ERC1: variants seen among roughly 807,000 people sequenced by gnomAD.
ERC1 encodes the protein ELKS/RAB6-interacting/CAST family member 1.
ERC1 carries 56 observed loss-of-function variants against 132.0 expected under a neutral mutation model. The observed-to-expected ratio is 0.42, with a 90% CI of 0.34 to 0.53. The LOEUF (loss-of-function observed/expected upper bound fraction) is 0.53, where lower values mean the gene tolerates loss of function less well. Among genes scored for constraint, ERC1 ranks in the 20% least tolerant of loss-of-function variants. ERC1 has a pLI of 0.03. For missense variants in ERC1, 1,202 were observed against 1,349.9 expected (o/e 0.89, Z 1.72); for synonymous variants, 478 against 476.1 (o/e 1.00, Z -0.05).
At chr12:1,154,114 T>G (rs1284075087) in intron 8 of ERC1, among the ~76,000 whole-genome samples, 1 of 152,032 alleles carries the variant, frequency 6.6e-6, no homozygotes, top group African/African-American at 2.4e-5. Context: ...CTGAGTTACT[T>G]CACTTAGGAT....
At chr12:1,390,598 C>T (rs967194966) in intron 16 of ERC1, 2 of 152,148 alleles carry the variant, frequency 1.3e-5, no homozygotes, top group Non-Finnish European at 1.5e-5. Flanking sequence ...CTTACCAGAG[C>T]ATGCTTAGGA....
intron 17 of ERC1, among the ~76,000 whole-genome samples, chr12:1,436,973 T>G (rs1243581042): frequency 6.6e-6 from 1 of 150,564 alleles, no homozygotes; most frequent in Non-Finnish European, 1.5e-5. Flanking sequence ...GCCATTCAGA[T>G]ATATATATAT....
intron 2 of ERC1, among the ~76,000 whole-genome samples, chr12:1,068,384 A>G (rs1313064472): frequency 6.6e-6 from 1 of 152,212 alleles, no homozygotes; most frequent in Non-Finnish European, 1.5e-5. Context: ...TATCTTGGAG[A>G]TAAGGAACCT....
chr12:1,047,160 C>G (rs1971199175), intron 2 of ERC1, among the ~76,000 whole-genome samples: 1 of 152,034 alleles, frequency 6.6e-6, no homozygotes, highest in Non-Finnish European at 1.5e-5. Flanking sequence ...TATTTCTGAA[C>G]TATTGAGTTC....
chr12:1,366,870 T>G (rs2086710261), intron 15 of ERC1, among the ~76,000 whole-genome samples: 1 of 152,180 alleles, frequency 6.6e-6, no homozygotes, highest in South Asian at 2.1e-4. Context: ...TGTTGACATT[T>G]TACATTAAAG....
intron 3 of ERC1, among the ~76,000 whole-genome samples, chr12:1,100,712 G>A (rs772973970): frequency 6.6e-6 from 1 of 152,172 alleles, no homozygotes; most frequent in Non-Finnish European, 1.5e-5. Context: ...AGTTTAGAGG[G>A]GAAGGCCAGG....
intron 13 of ERC1, among the ~76,000 whole-genome samples, chr12:1,252,756 G>T (rs764882341): frequency 2.1e-4 from 32 of 152,170 alleles, no homozygotes; most frequent in Non-Finnish European, 4.4e-4. Context: ...AAAGTAGTTG[G>T]TGTGTAACCA....
intron 14 of ERC1, among the ~76,000 whole-genome samples, chr12:1,272,946 TAAA>T (rs56750908): frequency 0.042 from 3,715 of 87,436 alleles, 54 homozygotes; most frequent in East Asian, 0.11. Flanking sequence ...AGACTCCGTC[TAAA>T]AAAAAAAAAA....
intron 15 of ERC1, among the ~76,000 whole-genome samples, chr12:1,368,989 G>A (rs752676546): frequency 9.9e-5 from 15 of 152,110 alleles, no homozygotes; most frequent in Admixed American, 2.0e-4. Context: ...ATTTTTAGAG[G>A]ATGAGAGCCA....
At chr12:1,129,331 A>G (rs1186382814) in intron 7 of ERC1, among the ~76,000 whole-genome samples, 3 of 145,238 alleles carry the variant, frequency 2.1e-5, no homozygotes, top group South Asian at 4.8e-4. Flanking sequence ...AACAAAACTA[A>G]CAACAACAAC....
At chr12:1,216,607 A>AGGAGGGATGGGGGGCGGGGG (rs1485383560) in intron 12 of ERC1, among the ~76,000 whole-genome samples, 8,922 of 27,108 alleles carry the variant, frequency 0.33, 421 homozygotes, top group East Asian at 0.37. Context: ...GGGGTCGGGG[A>AGGAGGGATGGGGGGCGGGGG]GGAGGGATGG....
chr12:1,060,553 G>A (rs1411242979), intron 2 of ERC1, among the ~76,000 whole-genome samples: 1 of 151,982 alleles, frequency 6.6e-6, no homozygotes, highest in Non-Finnish European at 1.5e-5. Context: ...ATATGAAAAG[G>A]CACTTCTTAC....
chr12:1,351,408 AT>A (rs2084983454), intron 15 of ERC1, among the ~76,000 whole-genome samples: 2 of 152,172 alleles, frequency 1.3e-5, no homozygotes, highest in Admixed American at 6.5e-5. Context: ...GTGCTGTACC[AT>A]TTTGCGTTCC....
intron 13 of ERC1, among the ~76,000 whole-genome samples, chr12:1,255,226 G>A (rs1019792959): frequency 6.6e-6 from 1 of 152,048 alleles, no homozygotes; most frequent in African/African-American, 2.4e-5. Flanking sequence ...TTAGTTTGCT[G>A]AGAATTAGGG....
intron 2 of ERC1, among the ~76,000 whole-genome samples, chr12:1,037,379 A>G (rs1250635339): frequency 6.6e-6 from 1 of 152,230 alleles, no homozygotes; most frequent in Non-Finnish European, 1.5e-5. Context: ...TGTGCAAAAG[A>G]AATCAGAAAA....
chr12:1,449,838 T>C (rs978918580), intron 18 of ERC1, among the ~76,000 whole-genome samples: 3 of 152,164 alleles, frequency 2.0e-5, no homozygotes, highest in Non-Finnish European at 4.4e-5. Flanking sequence ...TCTATTTTTT[T>C]CCTCTGTTTT....
chr12:1,437,754 A>ATGTTT (rs758526045), intron 17 of ERC1, among the ~76,000 whole-genome samples: 47 of 152,300 alleles, frequency 3.1e-4, no homozygotes, highest in Non-Finnish European at 4.7e-4. Flanking sequence ...GAAATAAAGG[A>ATGTTT]TGTTTTGTTT....
intron 4 of ERC1, among the ~76,000 whole-genome samples, chr12:1,109,463 C>T (rs1344711524): frequency 6.6e-6 from 1 of 151,998 alleles, no homozygotes; most frequent in African/African-American, 2.4e-5. Flanking sequence ...TTTTCCCCTC[C>T]TTTGGGGCAT....
chr12:1,488,124 C>T (rs945111748), intron 18 of ERC1, among the ~76,000 whole-genome samples: 5 of 136,162 alleles, frequency 3.7e-5, no homozygotes, highest in African/African-American at 1.4e-4. Context: ...GGTGACAGAG[C>T]GAGACTCACG....
Sources: allele counts gnomAD v4.1 joint callset (sites outside exome capture counted in the v4.1 genomes callset), GRCh38; gene constraint gnomAD v4.1.1; transcripts MANE v1.5; gene names NCBI Gene and HGNC (gene_info 2026-07-23, HGNC 2026-07-21).